Variants in ANKHD1 observed in about 807,000 individuals in gnomAD.
ANKHD1 encodes ankyrin repeat and KH domain-containing protein 1.
ANKHD1 carries 31 observed loss-of-function variants against 230.5 expected under a neutral mutation model. That is an observed-to-expected ratio of 0.13 (90% CI 0.10 to 0.18). ANKHD1 has a LOEUF of 0.18. Ranked by LOEUF, ANKHD1 falls within the 10% of genes least tolerant of loss-of-function variation. The pLI is 1.00. For missense variants in ANKHD1, 2,256 were observed against 3,071.3 expected (o/e 0.73, Z 6.27); for synonymous variants, 1,074 against 1,117.6 (o/e 0.96, Z 0.78).
At chr5:140,523,781 G>A (rs1042060150) in intron 24 of ANKHD1, among the ~76,000 whole-genome samples, 3 of 151,822 alleles carry the variant, frequency 2.0e-5, no homozygotes, top group Non-Finnish European at 2.9e-5. Context: ...CATTAGTCTC[G>A]AACTCCTGAC....
chr5:140,467,994 A>G (rs945454651), intron 10 of ANKHD1, among the ~76,000 whole-genome samples: 4 of 131,276 alleles, frequency 3.0e-5, no homozygotes, highest in African/African-American at 1.2e-4. Flanking sequence ...GTGGAGATGT[A>G]TTTCATTCCT....
In ANKHD1 at chr5:140,402,015, G is replaced by A; in HGVS notation, c.48G>A (p.Leu16=). 6.6e-7 allele frequency: 1 copy of A among 1,523,544 alleles called. No individual in the cohort carries two copies. Among genetic ancestry groups the A allele is most frequent in the Non-Finnish European group, 8.8e-7 (1 of 1,142,574 alleles). 94.4% of individuals were successfully genotyped at this position (1,523,544 alleles called of 1,614,324 possible). A position where few individuals can be genotyped will look rare whatever the true frequency, so the allele number is the denominator to read the frequency against. Residue 16 remains leucine (L), a synonymous_variant, in exon 1 of 34, where the codon CTG becomes CTA. Transcript: ENST00000360839. ...GCGGCACCTCCTTTGAGGAGGACCT[G>A]GACTCTGTGGCTCCGCGATCCGCCC... The part of the protein sequence containing the change: ...GGGGTSFEED[L]DSVAPRSAPA...
intron 10 of ANKHD1, among the ~76,000 whole-genome samples, chr5:140,468,680 A>G (rs1776281612): frequency 6.6e-6 from 1 of 152,202 alleles, no homozygotes; most frequent in South Asian, 2.1e-4. Flanking sequence ...CAAAATATGT[A>G]CATTTAATAT....
Position 140,485,290 on chromosome 5 carries a change from C to T in ANKHD1, c.1998+42C>T. 6.3e-7 allele frequency: 1 copy of T among 1,582,238 alleles called. No homozygotes were observed. The highest frequency in any genetic ancestry group is 1.1e-5 in the South Asian group (1 of 88,694). On this transcript the variant is annotated intron_variant, in intron 12 of 33. Coordinates refer to ENST00000360839, the MANE Select transcript of ANKHD1 (RefSeq NM_017747.3). The surrounding 1 kb of genome is among the most constrained non-coding windows in gnomAD (Gnocchi z 4.8). ...TAAGTAAACAGGCTGTGTGCGGTGG[C>T]TCATGTCTATGATCCCAGCACTTTA...
chr5:140,501,546 G>A (rs983092601), intron 15 of ANKHD1, among the ~76,000 whole-genome samples: 6 of 151,794 alleles, frequency 4.0e-5, no homozygotes, highest in East Asian at 2.0e-4. Context: ...TTAGGAGATC[G>A]AGACCATCCT....
intron 24 of ANKHD1, among the ~76,000 whole-genome samples, chr5:140,516,382 C>G (rs1753010125): frequency 6.6e-6 from 1 of 152,140 alleles, no homozygotes. Context: ...AGGATATTAT[C>G]CAGGAGAACT....
intron 5 of ANKHD1, among the ~76,000 whole-genome samples, 191 bp from the exon 6 acceptor site, chr5:140,445,551 C>T (rs1022208406): frequency 2.8e-5 from 4 of 143,838 alleles, no homozygotes; most frequent in Non-Finnish European, 6.3e-5. Context: ...CCAATGATAA[C>T]GAAAAAAAGT....
chr5:140,516,958 A>G (rs2127069842), intron 24 of ANKHD1, among the ~76,000 whole-genome samples: 1 of 152,318 alleles, frequency 6.6e-6, no homozygotes, highest in South Asian at 2.1e-4. Context: ...TTAAATGTAA[A>G]CGGATTAAAT....
chr5:140,515,928 G>A (rs1377961199), intron 24 of ANKHD1, among the ~76,000 whole-genome samples: 3 of 152,164 alleles, frequency 2.0e-5, no homozygotes, highest in Non-Finnish European at 2.9e-5. Context: ...CACCAGCAAC[G>A]GAACAAAGCT....
At position 140,524,225 on chromosome 5, in the gene ANKHD1, G is replaced by A; in HGVS notation, c.4477G>A (p.Glu1493Lys). 5.1e-6 allele frequency: 8 copies of A among 1,570,912 alleles called. No homozygotes were observed. The highest frequency in any genetic ancestry group is 6.0e-6 in the Non-Finnish European group (7 of 1,168,512). ...ACTACCAGAGGATGAAGATGAAGAG[G>A]AGAATGATGAAGATGGTGAGAAACA... ...SELPEDEDEE[E>K]NDEDVEQEVP... The change falls in exon 25 of 34, where the codon GAG becomes AAG. Residue 1493 changes from glutamate to lysine, a missense_variant. Around this residue, in one of 13 missense-constraint regions of ANKHD1, gnomAD observed 212 missense variants for 257.3 expected, o/e 0.82. Coordinates refer to ENST00000360839, the MANE Select transcript of ANKHD1 (RefSeq NM_017747.3).
Position 140,529,075 on chromosome 5 carries a change from C to A in ANKHD1, c.6129C>A (p.Thr2043=), listed in dbSNP as rs767601695. ...ACCAGCCCATGGCAAACCTATGTAC[C>A]CCATCTTCAACTGCAAACAGTTGCA... ...TQDQPMANLC[T]PSSTANSCSS... Residue 2043 remains threonine (T), a synonymous_variant, in exon 29 of 34, where the codon ACC becomes ACA. Transcript: ENST00000360839. 6.2e-7 allele frequency: 1 copy of A among 1,613,986 alleles called. No individual in the cohort carries two copies. Among genetic ancestry groups the A allele is most frequent in the South Asian group, 1.1e-5 (1 of 91,082 alleles).
At chr5:140,431,948 T>G (rs769696267) in intron 1 of ANKHD1, among the ~76,000 whole-genome samples, 29 of 152,216 alleles carry the variant, frequency 1.9e-4, no homozygotes, top group Admixed American at 5.2e-4. Flanking sequence ...CTACTGGTTC[T>G]TTCTCTCTCT....
intron 22 of ANKHD1, among the ~76,000 whole-genome samples, chr5:140,512,224 G>A (rs1386099746): frequency 2.8e-5 from 4 of 145,446 alleles, no homozygotes; most frequent in South Asian, 2.1e-4. Flanking sequence ...CAACAACAGC[G>A]AGACTCCCAT....
chr5:140,420,820 T>C (rs1013150966), intron 1 of ANKHD1, among the ~76,000 whole-genome samples: 1 of 152,206 alleles, frequency 6.6e-6, no homozygotes, highest in African/African-American at 2.4e-5. Context: ...GGGTTATTGG[T>C]TATTGGTTAT....
chr5:140,480,887 G>A (rs1751244180), intron 10 of ANKHD1, among the ~76,000 whole-genome samples: 1 of 152,028 alleles, frequency 6.6e-6, no homozygotes, highest in Non-Finnish European at 1.5e-5. Context: ...GGAGGAGACA[G>A]GTTAGTTAAA....
At chr5:140,532,251 A>T (rs1753862723) in intron 29 of ANKHD1, among the ~76,000 whole-genome samples, 1 of 151,920 alleles carries the variant, frequency 6.6e-6, no homozygotes, top group Non-Finnish European at 1.5e-5. Flanking sequence ...TATAACATGG[A>T]TGAACTTTGA....
rs1754217170 is a variant in ANKHD1, at chr5:140,539,677, G to A, written c.*259G>A. ...CAGAATACTACTTGTATGCAGAAGA[G>A]AATTAGTTGATTACATGTTTCAACC... On this transcript the variant is annotated 3_prime_UTR_variant, in exon 34 of 34. Coordinates refer to ENST00000360839, the MANE Select transcript of ANKHD1 (RefSeq NM_017747.3). The A allele has an allele frequency of 5.8e-6, 2 of 345,088 alleles. No individual in the cohort carries two copies. Among genetic ancestry groups the A allele is most frequent in the Admixed American group, 8.9e-5 (2 of 22,524 alleles). The allele number at this position is 345,088 out of a possible 1,614,324, so 21.4% of individuals were successfully genotyped here.
intron 1 of ANKHD1, among the ~76,000 whole-genome samples, chr5:140,410,016 TTAAG>T (rs951863177): frequency 8.0e-4 from 121 of 152,052 alleles, no homozygotes; most frequent in African/African-American, 2.5e-3. Flanking sequence ...TTGGGAAACT[TTAAG>T]TATGAGAGGT....
At chr5:140,421,083 T>TA (rs773742195) in intron 1 of ANKHD1, among the ~76,000 whole-genome samples, 53 of 152,158 alleles carry the variant, frequency 3.5e-4, no homozygotes, top group Non-Finnish European at 6.5e-4. Flanking sequence ...TTCCTTTTTT[T>TA]AACCCGTTTA....
Sources: gnomAD v4.1 joint callset for allele counts (sites outside exome capture counted in the v4.1 genomes callset) on GRCh38, gnomAD v4.1.1 for gene constraint, gnomAD v4.1.1 regional missense constraint, Gnocchi (gnomAD v3.1) non-coding constraint, MANE v1.5 for transcripts, NCBI Gene and HGNC (gene_info 2026-07-23, HGNC 2026-07-21) for gene names.